ZNF91: variants seen among roughly 807,000 people sequenced by gnomAD.
The protein encoded by ZNF91 is zinc finger protein 91 (HPF7, HTF10).
In ZNF91, 7 loss-of-function variants were observed where a neutral mutation model predicts 12.6. That is an observed-to-expected ratio of 0.55 (90% CI 0.31 to 1.04). The LOEUF is 1.04. Ranked by LOEUF, ZNF91 falls within the 50% of genes least tolerant of loss-of-function variation. The probability of loss-of-function intolerance (pLI) is 0.05; values close to 1 mark genes in which losing one functional copy is unlikely to be tolerated. For synonymous variants in ZNF91, 453 were observed against 462.6 expected (o/e 0.98, Z 0.27); for missense variants, 1,217 against 1,385.4 (o/e 0.88, Z 1.93).
At chr19:23,305,626 C>A (rs534319656) in intron 3 of ZNF91, among the ~76,000 whole-genome samples, 1 of 152,078 alleles carries the variant, frequency 6.6e-6, no homozygotes, top group Non-Finnish European at 1.5e-5. Context: ...TCCAGTCAGC[C>A]GATATTTGAG....
At chr19:23,393,400 T>C (rs1436021464) in intron 1 of ZNF91, among the ~76,000 whole-genome samples, 2 of 152,162 alleles carry the variant, frequency 1.3e-5, no homozygotes, top group Non-Finnish European at 1.5e-5. Context: ...TGATATTCAC[T>C]AGACACTCTA....
chr19:23,317,724 T>C (rs2145851531), intron 1 of ZNF91, among the ~76,000 whole-genome samples: 1 of 152,240 alleles, frequency 6.6e-6, no homozygotes. Flanking sequence ...GGCTGGTGAC[T>C]CTCCGTCCAA....
intron 1 of ZNF91, among the ~76,000 whole-genome samples, chr19:23,331,336 A>G (rs2063180085): frequency 6.6e-6 from 1 of 152,226 alleles, no homozygotes; most frequent in African/African-American, 2.4e-5. Context: ...ACTTCAGAGA[A>G]GTAATTTGAG....
intron 2 of ZNF91, among the ~76,000 whole-genome samples, chr19:23,374,336 G>T (rs564290219): frequency 1.5e-4 from 21 of 144,026 alleles, no homozygotes; most frequent in African/African-American, 4.9e-4. Flanking sequence ...GAGGTCAGGA[G>T]ATCGAGACCA....
chr19:23,394,777 G>A (rs377562939), intron 1 of ZNF91, among the ~76,000 whole-genome samples: 2 of 152,228 alleles, frequency 1.3e-5, no homozygotes, highest in South Asian at 2.1e-4. Context: ...GCAAATTACT[G>A]AATTTGGTTT....
At chr19:23,382,539 T>C (rs1177108703) in intron 1 of ZNF91, among the ~76,000 whole-genome samples, 1 of 152,182 alleles carries the variant, frequency 6.6e-6, no homozygotes, top group African/African-American at 2.4e-5. Context: ...CTAATAGGTA[T>C]CTACAGAACT....
At chr19:23,334,201 G>T (rs1967967741), downstream of ZNF91, among the ~76,000 whole-genome samples, 1 of 152,196 alleles carries the variant, frequency 6.6e-6, no homozygotes, top group Admixed American at 6.5e-5. Flanking sequence ...TTTGAGGACA[G>T]GGTAGGACAA....
At chr19:23,351,091 C>T (rs1268701473) in intron 3 of ZNF91, among the ~76,000 whole-genome samples, 1 of 152,034 alleles carries the variant, frequency 6.6e-6, no homozygotes, top group Non-Finnish European at 1.5e-5. Context: ...TTTGGGAGGC[C>T]GAGGTGGACG....
At chr19:23,384,047 T>G (rs980928878) in intron 1 of ZNF91, among the ~76,000 whole-genome samples, 1 of 152,010 alleles carries the variant, frequency 6.6e-6, no homozygotes, top group African/African-American at 2.4e-5. Context: ...GAGGCAGAGG[T>G]TGCAGTTAGC....
rs562180832 is a variant in ZNF91, at chr19:23,308,116, T to C, written n.191-714A>G. The C allele has an allele frequency of 4.6e-5, 7 of 151,982 alleles. No individual in the cohort carries two copies. The East Asian group carries it at 1.4e-3, about 29-fold the overall frequency. 9.4% of individuals were successfully genotyped at this position (151,982 alleles called of 1,614,324 possible). ...CAGAACCCAGGTGATGTGCCTCTCGTTTTTTTTGCCTGGGCCCTGCATAAT... is the reference window on the plus strand; with the variant it reads ...CAGAACCCAGGTGATGTGCCTCTCGCTTTTTTTGCCTGGGCCCTGCATAAT... On this transcript the variant is annotated intron_variant and non_coding_transcript_variant, in intron 2 of 3. Coordinates refer to the ZNF91 transcript ENST00000593292.
intron 1 of ZNF91, among the ~76,000 whole-genome samples, chr19:23,390,648 G>A (rs1264422462): frequency 2.0e-5 from 3 of 152,196 alleles, no homozygotes; most frequent in Admixed American, 6.5e-5. Flanking sequence ...ATGAGCCATC[G>A]TGGTGGGCCA....
At chr19:23,322,115 C>A (rs1339875063) in intron 1 of ZNF91, among the ~76,000 whole-genome samples, 1 of 152,188 alleles carries the variant, frequency 6.6e-6, no homozygotes, top group Non-Finnish European at 1.5e-5. Flanking sequence ...ATCGTCCCTG[C>A]CCCTTGGGGG....
downstream of ZNF91, chr19:23,338,047 G>GA (rs1444523511): frequency 6.6e-6 from 1 of 151,928 alleles, no homozygotes; most frequent in Non-Finnish European, 1.5e-5. Flanking sequence ...TTCTGAGGAA[G>GA]AAAAAACATC....
chr19:23,325,033 T>A (rs973020164), intron 1 of ZNF91: 1 of 151,650 alleles, frequency 6.6e-6, no homozygotes, highest in African/African-American at 2.4e-5. Flanking sequence ...ATTTATATGA[T>A]CTGGGACCCC....
At chr19:23,351,760 C>T (rs569975304) in intron 3 of ZNF91, among the ~76,000 whole-genome samples, 61 of 152,242 alleles carry the variant, frequency 4.0e-4, no homozygotes, top group African/African-American at 1.3e-3. Context: ...GGAAATAGAC[C>T]GCTCCTGCAG....
chr19:23,348,724 G>A (rs1968293602), intron 3 of ZNF91, among the ~76,000 whole-genome samples: 1 of 152,138 alleles, frequency 6.6e-6, no homozygotes, highest in South Asian at 2.1e-4. Context: ...ATAACCATAA[G>A]GTCTGACTGC....
chr19:23,358,379 T>G lies in ZNF91; in HGVS notation c.*1024A>C, dbSNP rs1402479796. 1 of 152,184 alleles carries G rather than the reference T, an allele frequency of 6.6e-6. No individual in the cohort carries two copies. Among genetic ancestry groups the G allele is most frequent in the Admixed American group, 6.5e-5 (1 of 15,280 alleles). The allele number at this position is 152,184 out of a possible 1,614,324, so 9.4% of individuals were successfully genotyped here. The stretch of plus-strand genomic sequence containing the variant: ...CGATATTATAAGTTAACCATAAAGA[T>G]CCTCTCTACTTAAATTTTCATCATG... On this transcript the variant is annotated 3_prime_UTR_variant, in exon 4 of 4. Coordinates refer to ENST00000300619, the MANE Select transcript of ZNF91 (RefSeq NM_003430.4).
intron 1 of ZNF91, chr19:23,328,112 T>C (rs1183562693): frequency 6.6e-6 from 1 of 152,076 alleles, no homozygotes; most frequent in Non-Finnish European, 1.5e-5. Flanking sequence ...TATCTGCTTG[T>C]GAAGGTTCTG....
chr19:23,323,165 A>C (rs181066874), intron 1 of ZNF91, among the ~76,000 whole-genome samples: 28 of 100,258 alleles, frequency 2.8e-4, no homozygotes, highest in African/African-American at 5.2e-4. Flanking sequence ...CCTCCTCTCC[A>C]CCTTTTTCTC....
Sources: allele counts gnomAD v4.1 joint callset (sites outside exome capture counted in the v4.1 genomes callset), GRCh38; gene constraint gnomAD v4.1.1; transcripts MANE v1.5; gene names NCBI Gene and HGNC (gene_info 2026-07-23, HGNC 2026-07-21).